Variants in NAGK observed in about 807,000 individuals in gnomAD.
The protein encoded by NAGK is N-acetylglucosamine kinase, also known as N-acetyl-D-glucosamine kinase.
NAGK carries 35 observed loss-of-function variants against 42.9 expected under a neutral mutation model. That is an observed-to-expected ratio of 0.82 (90% CI 0.62 to 1.08). The LOEUF (loss-of-function observed/expected upper bound fraction) is 1.08, where lower values mean the gene tolerates loss of function less well. Among genes scored for constraint, NAGK ranks in the 50% least tolerant of loss-of-function variants. The pLI, the probability that NAGK is intolerant of heterozygous loss-of-function variation, is 0.00. For synonymous variants in NAGK, 172 were observed against 176.0 expected, an observed-to-expected ratio of 0.98 and a Z score of 0.18; for missense variants, 446 against 446.0, an observed-to-expected ratio of 1.00 and a Z score of 0.00.
At chr2:71,076,752 CT>C (rs1283820684) in intron 8 of NAGK, 51 bp downstream of exon 8, 1 of 1,476,182 alleles carries the variant, frequency 6.8e-7, no homozygotes, top group South Asian at 1.1e-5. Flanking sequence ...AGGAGTGGTC[CT>C]TTCCCACTGT....
Position 71,078,641 on chromosome 2 carries a change from A to G in NAGK, c.*133A>G, listed in dbSNP as rs369905188. 23 of 1,043,334 alleles carry G rather than the reference A, an allele frequency of 2.2e-5. No individual in the cohort carries two copies. Among genetic ancestry groups the G allele is most frequent in the African/African-American group, 3.2e-5 (2 of 61,678 alleles). The allele number at this position is 1,043,334 out of a possible 1,614,324, so 64.6% of individuals were successfully genotyped here. A position where few individuals can be genotyped will look rare whatever the true frequency, so the allele number is the denominator to read the frequency against. On this transcript the variant is annotated 3_prime_UTR_variant, in exon 10 of 10. Coordinates refer to ENST00000244204, the MANE Select transcript of NAGK (RefSeq NM_017567.6). ...ATAAATGCACTTTATCCACTCCCCA[A>G]TTGGACTGCATTATCAAACACATGT...
intron 5 of NAGK, 40 bp downstream of exon 5, chr2:71,072,791 G>A (rs1199364837): frequency 6.5e-7 from 1 of 1,547,280 alleles, no homozygotes. Flanking sequence ...TCCTGGATCT[G>A]CTCCTTCCTT....
intron 5 of NAGK, chr2:71,073,130 A>G (rs890638967): frequency 8.1e-5 from 37 of 454,204 alleles, no homozygotes; most frequent in Admixed American, 2.7e-4. Flanking sequence ...CTCTCTAGGT[A>G]GTGTGTGTTT....
chr2:71,075,599 T>C lies in NAGK; in HGVS notation c.624T>C (p.Phe208=), dbSNP rs764074440. The change falls in exon 7 of 10, where the codon TTT becomes TTC. Residue 208 remains phenylalanine (F), a synonymous_variant. Transcript: ENST00000244204. ...LGILTHLYRD[F]DKCRFAGFCR... ...TACTCACTCACCTGTATAGGGACTT[T>C]GATAAATGCAGGTTTGCTGGGTTTT... 2 of 1,614,160 alleles carry C rather than the reference T, an allele frequency of 1.2e-6. No individual in the cohort carries two copies. Among genetic ancestry groups the C allele is most frequent in the Non-Finnish European group, 8.5e-7 (1 of 1,180,008 alleles).
At chr2:71,077,536 C>A in intron 8 of NAGK, 22 bp from the exon 9 acceptor site, 1 of 1,590,540 alleles carries the variant, frequency 6.3e-7, no homozygotes, top group East Asian at 2.3e-5. Context: ...GCCCCCATAT[C>A]CATTTTCTGC....
intron 7 of NAGK, chr2:71,076,307 G>A: frequency 3.5e-6 from 1 of 283,088 alleles, no homozygotes; most frequent in Non-Finnish European, 6.8e-6. Flanking sequence ...CTCAGTGTGA[G>A]CTGGATGCAT....
Position 71,078,332 on chromosome 2 carries a change from C to T in NAGK, c.859C>T (p.Leu287=), listed in dbSNP as rs1212143185. Residue 287 remains leucine (L), a synonymous_variant, in exon 10 of 10, where the codon CTG becomes TTG. Coordinates refer to ENST00000244204, the MANE Select transcript of NAGK (RefSeq NM_017567.6). ...CTTCCCTCCAGGTTTTCTTCTGGCG[C>T]TGACCCAGGGCAGAGAGATCCAGGC... ...ELLKEGFLLA[L]TQGREIQAQN... 3.1e-6 allele frequency: 5 copies of T among 1,614,160 alleles called. No homozygotes were observed. The highest frequency in any genetic ancestry group is 2.2e-5 in the East Asian group (1 of 44,882).
chr2:71,073,438 A>G, intron 5 of NAGK, 44 bp from the exon 6 acceptor site: 1 of 1,380,488 alleles, frequency 7.2e-7, no homozygotes, highest in South Asian at 1.2e-5. Context: ...TCGTGAGCTC[A>G]GGATGACTGC....
intron 9 of NAGK, 67 bp downstream of exon 9, chr2:71,077,703 A>T: frequency 6.5e-7 from 1 of 1,532,466 alleles, no homozygotes; most frequent in Non-Finnish European, 8.8e-7. Context: ...TGGCCCAGGA[A>T]AGCTTTTTGC....
At chr2:71,070,705 G>C (rs571704670) in intron 2 of NAGK, 36 bp from the exon 3 acceptor site, 1 of 1,613,568 alleles carries the variant, frequency 6.2e-7, no homozygotes, top group Non-Finnish European at 8.5e-7. Flanking sequence ...GCTTCTGTAA[G>C]CCTTTGTAAC....
chr2:71,070,799 G>T lies in NAGK; in HGVS notation c.173G>T (p.Arg58Leu). The change falls in exon 3 of 10, where the codon CGG becomes CTG. Residue 58 changes from arginine (R) to leucine (L), a missense_variant. By Grantham distance (102) the Arg-to-Leu change is moderately radical. Coordinates refer to ENST00000244204, the MANE Select transcript of NAGK (RefSeq NM_017567.6). ...RINEMVNRAKRKAGVDPLVPL... is the reference protein window; with the variant it reads ...RINEMVNRAKLKAGVDPLVPL... ...AATGAGATGGTGAACAGGGCCAAAC[G>T]GAAAGCAGGGGTGGATCCTCTGGTA... 1 of 1,614,166 alleles carries T rather than the reference G, an allele frequency of 6.2e-7. No individual in the cohort carries two copies. Among genetic ancestry groups the T allele is most frequent in the Non-Finnish European group, 8.5e-7 (1 of 1,180,012 alleles).
chr2:71,070,662 G>A, intron 2 of NAGK, 76 bp downstream of exon 2: 1 of 1,604,882 alleles, frequency 6.2e-7, no homozygotes, highest in Non-Finnish European at 8.5e-7. Context: ...GGTGGTGGCT[G>A]GGACTCACAG....
chr2:71,072,867 C>G, intron 5 of NAGK, 116 bp downstream of exon 5: 1 of 876,872 alleles, frequency 1.1e-6, no homozygotes, highest in South Asian at 1.4e-5. Context: ...GGGACAACTC[C>G]TGAACCTGGC....
In NAGK at chr2:71,071,813, C is replaced by T. The variant is rs1360646320; in HGVS notation, c.341C>T (p.Thr114Ile). 6.2e-7 allele frequency: 1 copy of T among 1,614,070 alleles called. No homozygotes were observed. Among genetic ancestry groups the T allele is most frequent in the African/African-American group, 1.3e-5 (1 of 75,050 alleles). ...ITTDAAGSIA[T>I]ATPDGGVVLI... ...ACCGATGCCGCCGGCTCCATCGCCACAGCTACACCGGATGGTGAGGAAGTG... is the reference window on the plus strand; with the variant it reads ...ACCGATGCCGCCGGCTCCATCGCCATAGCTACACCGGATGGTGAGGAAGTG... The change falls in exon 4 of 10, where the codon ACA (threonine) becomes ATA (isoleucine). Residue 114 changes from threonine (T) to isoleucine (I), a missense_variant. By Grantham distance (89) the Thr-to-Ile change is moderately conservative. Transcript: ENST00000244204.
At position 71,072,701 on chromosome 2, in the gene NAGK, C is replaced by T. The variant is rs201875949; in HGVS notation, c.416C>T (p.Ser139Phe). ...TGCAGGCTCATCAACCCTGATGGCT[C>T]CGAGAGTGGCTGCGGCGGCTGGGGC... ...SNCRLINPDGSESGCGGWGHM... is the reference protein window; with the variant it reads ...SNCRLINPDGFESGCGGWGHM... Residue 139 changes from serine (S) to phenylalanine (F), a missense_variant, in exon 5 of 10, where the codon TCC becomes TTC. By Grantham distance (155) the Ser-to-Phe change is radical. Coordinates refer to ENST00000244204, the MANE Select transcript of NAGK (RefSeq NM_017567.6). 3 of 1,614,142 alleles carry T rather than the reference C, an allele frequency of 1.9e-6. No individual in the cohort carries two copies. Among genetic ancestry groups the T allele is most frequent in the East Asian group, 2.2e-5 (1 of 44,888 alleles).
rs1672097814 is a variant in NAGK at position 71,073,467 on chromosome 2, C to A, written c.467-15C>A. On this transcript the variant is annotated splice_polypyrimidine_tract_variant and intron_variant, in intron 5 of 9. Transcript: ENST00000244204. ...TGACTGCTCCCATCTTCTTAGCCCT[C>A]TCTGCTCCCTGCAGCCTACTGGATC... is the stretch of plus-strand genomic sequence containing the variant. 3.8e-6 allele frequency: 6 copies of A among 1,592,370 alleles called. No homozygotes were observed. Among genetic ancestry groups the A allele is most frequent in the Middle Eastern group, 1.7e-4 (1 of 6,048 alleles).
At chr2:71,068,623 A>G (rs1448230969), upstream of NAGK, 3 of 1,522,248 alleles carry the variant, frequency 2.0e-6, no homozygotes, top group Admixed American at 2.2e-5. Context: ...AGCTGGAGGG[A>G]AGGAGGTGTC....
rs370597669 is a variant in NAGK at position 71,068,657 on chromosome 2, G to A, written c.-27G>A. On this transcript the variant is annotated 5_prime_UTR_variant, in exon 1 of 10. Coordinates refer to ENST00000244204, the MANE Select transcript of NAGK (RefSeq NM_017567.6). ...TCAGGCGGGGAGAGACGCAAACGGC[G>A]GGACCAGCAGCGACGGTAGCAGCAG... 2 of 1,521,400 alleles carry A rather than the reference G, an allele frequency of 1.3e-6. No homozygotes were observed. Among genetic ancestry groups the A allele is most frequent in the Non-Finnish European group, 1.8e-6 (2 of 1,134,320 alleles). 94.2% of individuals were successfully genotyped at this position (1,521,400 alleles called of 1,614,324 possible).
At chr2:71,073,649 T>TC in intron 6 of NAGK, 55 bp downstream of exon 6, 1 of 1,407,972 alleles carries the variant, frequency 7.1e-7, no homozygotes, top group Non-Finnish European at 1.0e-6. Context: ...AGTGAAACAC[T>TC]CCAAGTAAGA....
Sources: gnomAD v4.1 joint callset for allele counts on GRCh38, gnomAD v4.1.1 for gene constraint, MANE v1.5 for transcripts, NCBI Gene and HGNC (gene_info 2026-07-23, HGNC 2026-07-21) for gene names.